THRB: variants seen among roughly 807,000 people sequenced by gnomAD.
The protein encoded by THRB is nuclear receptor subfamily 1 group A member 2.
Under a neutral mutation model 47.8 loss-of-function variants are expected in THRB, and 12 were observed. The observed-to-expected ratio is 0.25, with a 90% CI of 0.16 to 0.41. The LOEUF is 0.41. THRB is among the 10% of genes least tolerant of loss of function. The probability of loss-of-function intolerance (pLI) is 1.00; values close to 1 mark genes in which losing one functional copy is unlikely to be tolerated. For missense variants in THRB, 348 were observed against 589.2 expected, an observed-to-expected ratio of 0.59 and a Z score of 4.24; for synonymous variants, 218 against 212.2, an observed-to-expected ratio of 1.03 and a Z score of -0.24.
At chr3:24,272,359 C>CAACAACAA (rs1381565010) in intron 3 of THRB, among the ~76,000 whole-genome samples, 1 of 151,522 alleles carries the variant, frequency 6.6e-6, no homozygotes, top group Non-Finnish European at 1.5e-5. Flanking sequence ...ACAACAACAA[C>CAACAACAA]AACAACAACA....
At chr3:24,334,031 C>A (rs2062085907) in intron 2 of THRB, among the ~76,000 whole-genome samples, 1 of 152,186 alleles carries the variant, frequency 6.6e-6, no homozygotes, top group South Asian at 2.1e-4. Context: ...TCTGTCCTGG[C>A]CTATGTCCTT....
rs191778544 is a variant in THRB at position 24,286,958 on chromosome 3, G to T, written c.-43+10268C>A. On this transcript the variant is annotated intron_variant, in intron 3 of 10. Coordinates refer to ENST00000646209, the MANE Select transcript of THRB (RefSeq NM_001354712.2). ...AGTGAGATGTGCTTGTGTAAAGTAA[G>T]AAGTTGAAGATCAAGTTAGACAGAA... Among the ~76,000 whole-genome samples the T allele has an allele frequency of 1.9e-3, 284 of 152,290 alleles. 1 individual carries two copies. The highest frequency in any genetic ancestry group is 6.1e-3 in the African/African-American group (254 of 41,548).
At chr3:24,436,006 A>T (rs2070906287) in intron 1 of THRB, among the ~76,000 whole-genome samples, 1 of 152,146 alleles carries the variant, frequency 6.6e-6, no homozygotes, top group Admixed American at 6.6e-5. Flanking sequence ...GTCGTGGGAG[A>T]AAGTGGGGAT....
chr3:24,478,691 A>G (rs1695859154), intron 1 of THRB, among the ~76,000 whole-genome samples: 1 of 152,192 alleles, frequency 6.6e-6, no homozygotes, highest in Admixed American at 6.5e-5. Flanking sequence ...TGGCCCACGG[A>G]GCAGGAGGTG....
chr3:24,198,165 A>C (rs1373026826), intron 4 of THRB, among the ~76,000 whole-genome samples: 2 of 152,220 alleles, frequency 1.3e-5, no homozygotes, highest in African/African-American at 2.4e-5. Flanking sequence ...AGGTCTCTGC[A>C]GGAACTCTGC....
intron 10 of THRB, among the ~76,000 whole-genome samples, chr3:24,125,715 T>C (rs945257078): frequency 2.0e-5 from 3 of 152,168 alleles, no homozygotes; most frequent in Non-Finnish European, 4.4e-5. Context: ...ATGGGAACTT[T>C]CCCCACATGG....
chr3:24,480,262 C>CAG (rs1327118976), intron 1 of THRB, among the ~76,000 whole-genome samples: 4 of 152,242 alleles, frequency 2.6e-5, no homozygotes, highest in African/African-American at 4.8e-5. Flanking sequence ...ACATGATCCT[C>CAG]AGGTTCCTCT....
At chr3:24,303,877 G>T (rs940612929) in intron 2 of THRB, among the ~76,000 whole-genome samples, 1 of 151,994 alleles carries the variant, frequency 6.6e-6, no homozygotes, top group Non-Finnish European at 1.5e-5. Flanking sequence ...TTAATTTATT[G>T]ATTGGACAAA....
intron 4 of THRB, among the ~76,000 whole-genome samples, chr3:24,223,310 G>C (rs186412952): frequency 6.6e-6 from 1 of 152,118 alleles, no homozygotes; most frequent in African/African-American, 2.4e-5. Flanking sequence ...TCATTCCTGC[G>C]TCTAATTAAA....
chr3:24,370,968 G>T (rs1210484353), intron 1 of THRB, among the ~76,000 whole-genome samples: 1 of 152,124 alleles, frequency 6.6e-6, no homozygotes, highest in Admixed American at 6.6e-5. Context: ...TTTCAAAAGA[G>T]CTGTAGAAAA....
At chr3:24,371,283 G>C (rs2149747223) in intron 1 of THRB, among the ~76,000 whole-genome samples, 1 of 152,160 alleles carries the variant, frequency 6.6e-6, no homozygotes, top group South Asian at 2.1e-4. Context: ...AAGAATTCTA[G>C]AACCTAGGTA....
intron 5 of THRB, among the ~76,000 whole-genome samples, chr3:24,170,594 C>A (rs2040301015): frequency 6.6e-6 from 1 of 152,186 alleles, no homozygotes; most frequent in African/African-American, 2.4e-5. Flanking sequence ...CCTTATTATT[C>A]CTTGAGCACT....
chr3:24,384,071 AAC>A (rs2065902077), intron 1 of THRB, among the ~76,000 whole-genome samples: 1 of 152,250 alleles, frequency 6.6e-6, no homozygotes, highest in African/African-American at 2.4e-5. Context: ...TTGGAGAATT[AAC>A]ACAGCAGCAA....
chr3:24,396,018 T>C (rs1246294419), intron 1 of THRB, among the ~76,000 whole-genome samples: 2 of 152,038 alleles, frequency 1.3e-5, no homozygotes, highest in African/African-American at 4.8e-5. Context: ...TGCTAGTGGA[T>C]TTCTTTTTGA....
At position 24,121,013 on chromosome 3, in the gene THRB, G is replaced by T. The variant is rs888443855; in HGVS notation, c.*1871C>A. On this transcript the variant is annotated 3_prime_UTR_variant, in exon 11 of 11. Coordinates refer to ENST00000646209, the MANE Select transcript of THRB (RefSeq NM_001354712.2). The stretch of plus-strand genomic sequence containing the variant: ...CCTCTAAATGGTTGACTAGTATTGT[G>T]TCAAATTATTATTTCGAGCCAATAA... The T allele has an allele frequency of 6.6e-6, 1 of 151,884 alleles. No homozygotes were observed. Among genetic ancestry groups the T allele is most frequent in the African/African-American group, 2.4e-5 (1 of 41,324 alleles). 9.4% of individuals were successfully genotyped at this position (151,884 alleles called of 1,614,324 possible).
rs373667682 is a variant in THRB at position 24,287,377 on chromosome 3, T to C, written c.-43+9849A>G. The stretch of plus-strand genomic sequence containing the variant: ...CAGTTGGACTGTATGTTTGTCACAG[T>C]ATTTTTATGTGCATTATTTTATTTA... On this transcript the variant is annotated intron_variant, in intron 3 of 10. Transcript: ENST00000646209. Among the ~76,000 whole-genome samples, 178 of 152,328 alleles carry C rather than the reference T, an allele frequency of 1.2e-3. 1 individual carries two copies. The South Asian group carries it at 0.025, about 21-fold the overall frequency.
chr3:24,126,427 A>C (rs1284409649), intron 10 of THRB, among the ~76,000 whole-genome samples: 1 of 152,090 alleles, frequency 6.6e-6, no homozygotes, highest in Non-Finnish European at 1.5e-5. Flanking sequence ...GGAAGCAGCA[A>C]CTCTACAAAG....
intron 1 of THRB, among the ~76,000 whole-genome samples, chr3:24,400,336 A>G (rs1364436635): frequency 1.3e-5 from 2 of 152,100 alleles, no homozygotes; most frequent in Non-Finnish European, 1.5e-5. Context: ...AGTGGAAACA[A>G]AGCCTGATAT....
chr3:24,310,151 T>C (rs10510543), intron 2 of THRB, among the ~76,000 whole-genome samples: 22,050 of 152,168 alleles, frequency 0.14, 1,640 homozygotes, highest in South Asian at 0.21. Context: ...TCTTTGTCAA[T>C]GTGATATTCA....
Sources: gnomAD v4.1 joint callset for allele counts (sites outside exome capture counted in the v4.1 genomes callset) on GRCh38, gnomAD v4.1.1 for gene constraint, MANE v1.5 for transcripts, NCBI Gene and HGNC (gene_info 2026-07-23, HGNC 2026-07-21) for gene names.